Variants in GALNTL6 observed in about 807,000 individuals in gnomAD.
The protein encoded by GALNTL6 is polypeptide N-acetylgalactosaminyltransferase-like 6.
A neutral mutation model predicts 73.7 loss-of-function variants in GALNTL6; 46 were observed. That is an observed-to-expected ratio of 0.62 (90% CI 0.49 to 0.80). The LOEUF is 0.80. GALNTL6 is among the 30% of genes least tolerant of loss of function. The pLI, the probability that GALNTL6 is intolerant of heterozygous loss-of-function variation, is 0.00. For synonymous variants in GALNTL6, 259 were observed against 263.7 expected, an observed-to-expected ratio of 0.98 and a Z score of 0.17; for missense variants, 604 against 755.0, an observed-to-expected ratio of 0.80 and a Z score of 2.34.
chr4:172,109,516 A>C (rs1324810709), intron 2 of GALNTL6, among the ~76,000 whole-genome samples: 1 of 152,218 alleles, frequency 6.6e-6, no homozygotes, highest in Non-Finnish European at 1.5e-5. Context: ...ACATGACTAA[A>C]ATAATATAAA....
In GALNTL6 at chr4:172,946,124, C is replaced by CAT. The variant is rs1749153976; in HGVS notation, c.1150-5913_1150-5912insAT. Among the ~76,000 whole-genome samples the CAT allele has an allele frequency of 7.4e-5, 11 of 148,534 alleles. 1 individual carries two copies. The South Asian group carries it at 1.5e-3, about 20-fold the overall frequency. ...GTTATCACTAGTTTTGGGGAAAAAG[C>CAT]GTGTGTGTGTGTGTGTGTGTGTGTG... On this transcript the variant is annotated intron_variant, in intron 9 of 12. Transcript: ENST00000506823.
chr4:172,069,520 ATG>A lies in GALNTL6; in HGVS notation c.139-160134_139-160133del, dbSNP rs370662835. On this transcript the variant is annotated intron_variant, in intron 2 of 12. Coordinates refer to ENST00000506823, the MANE Select transcript of GALNTL6 (RefSeq NM_001034845.3). ...TATATGTATAACACATATATGTTAT[ATG>A]TATAACACATATATTATATATAACA... Among the ~76,000 whole-genome samples the A allele has an allele frequency of 1.1e-3, 22 of 19,460 alleles. 5 individuals are homozygous for A. Among genetic ancestry groups the A allele is most frequent in the East Asian group, 3.6e-3 (4 of 1,102 alleles). 12.8% of individuals were successfully genotyped at this position (19,460 alleles called of 152,430 possible). A position where few individuals can be genotyped will look rare whatever the true frequency, so the allele number is the denominator to read the frequency against.
At chr4:171,898,222 G>A (rs1736983226) in intron 2 of GALNTL6, among the ~76,000 whole-genome samples, 1 of 152,178 alleles carries the variant, frequency 6.6e-6, no homozygotes, top group East Asian at 1.9e-4. Context: ...AATACCAAGT[G>A]CTGGAGAAGG....
Position 173,016,347 on chromosome 4 carries a change from C to A in GALNTL6, c.1489-5129C>A, listed in dbSNP as rs149639057. Among the ~76,000 whole-genome samples, 504 of 152,328 alleles carry A rather than the reference C, an allele frequency of 3.3e-3. 3 individuals carry two copies. The highest frequency in any genetic ancestry group is 0.011 in the African/African-American group (454 of 41,580). On this transcript the variant is annotated intron_variant, in intron 11 of 12. Coordinates refer to ENST00000506823, the MANE Select transcript of GALNTL6 (RefSeq NM_001034845.3). ...AGACCCACTGACAGCTTGCACCATG[C>A]ACCTGAAAAAGCCACAGGCACTCAA...
At chr4:172,328,453 A>C (rs1741017910) in intron 4 of GALNTL6, among the ~76,000 whole-genome samples, 1 of 152,166 alleles carries the variant, frequency 6.6e-6, no homozygotes, top group Admixed American at 6.5e-5. Context: ...AGATTCTGGA[A>C]GTTTTCATGA....
At chr4:172,617,945 T>C (rs534134542) in intron 5 of GALNTL6, among the ~76,000 whole-genome samples, 1 of 152,298 alleles carries the variant, frequency 6.6e-6, no homozygotes, top group Admixed American at 6.5e-5. Context: ...CATGCACCTC[T>C]AGGATAAATT....
chr4:172,180,803 T>A (rs1358962859), intron 2 of GALNTL6, among the ~76,000 whole-genome samples: 1 of 152,150 alleles, frequency 6.6e-6, no homozygotes, highest in Non-Finnish European at 1.5e-5. Flanking sequence ...GTTCCATTGA[T>A]CTATATATCT....
intron 2 of GALNTL6, among the ~76,000 whole-genome samples, chr4:171,883,905 C>A (rs1024884948): frequency 2.0e-5 from 3 of 152,040 alleles, no homozygotes; most frequent in African/African-American, 7.2e-5. Context: ...CCTCGGCCTC[C>A]CAAAGTGCTG....
chr4:171,974,843 T>C (rs903132690), intron 2 of GALNTL6, among the ~76,000 whole-genome samples: 1 of 152,208 alleles, frequency 6.6e-6, no homozygotes, highest in South Asian at 2.1e-4. Context: ...TCATTTTTAG[T>C]AGCAACACAA....
At chr4:172,199,660 G>A (rs1735892729) in intron 2 of GALNTL6, among the ~76,000 whole-genome samples, 1 of 152,132 alleles carries the variant, frequency 6.6e-6, no homozygotes, top group Admixed American at 6.6e-5. Context: ...ACATAGAATT[G>A]TGGGGTTCCT....
At chr4:172,970,370 G>C (rs141339111) in intron 10 of GALNTL6, among the ~76,000 whole-genome samples, 167 of 152,262 alleles carry the variant, frequency 1.1e-3, no homozygotes, top group African/African-American at 3.5e-3. Flanking sequence ...CAGGAGACCG[G>C]GGTGTATTTC....
intron 2 of GALNTL6, among the ~76,000 whole-genome samples, chr4:171,927,735 T>TC (rs1477362490): frequency 6.6e-6 from 1 of 152,156 alleles, no homozygotes; most frequent in Non-Finnish European, 1.5e-5. Flanking sequence ...GTGATTCCCT[T>TC]TGCTTGGAAT....
In GALNTL6 at chr4:172,631,424, C is replaced by T. The variant is rs190754957; in HGVS notation, c.554-177937C>T. The stretch of plus-strand genomic sequence containing the variant: ...CCTCCCAAAGTGCTGGGATTACAGG[C>T]GTGAGCCACTGTACCTGGCCAGTAA... On this transcript the variant is annotated intron_variant, in intron 5 of 12. Coordinates refer to ENST00000506823, the MANE Select transcript of GALNTL6 (RefSeq NM_001034845.3). 1.2e-4 allele frequency among the ~76,000 whole-genome samples: 19 copies of T among 152,212 alleles called. No individual in the cohort carries two copies. The East Asian group carries it at 3.3e-3, about 26-fold the overall frequency.
intron 2 of GALNTL6, among the ~76,000 whole-genome samples, chr4:171,883,998 T>A (rs772145515): frequency 2.6e-5 from 4 of 152,242 alleles, no homozygotes; most frequent in Admixed American, 6.5e-5. Flanking sequence ...CACAAAAATG[T>A]GTAAACATTT....
At chr4:171,819,125 G>A (rs1734617562) in intron 2 of GALNTL6, among the ~76,000 whole-genome samples, 1 of 151,954 alleles carries the variant, frequency 6.6e-6, no homozygotes, top group South Asian at 2.1e-4. Context: ...ACTCAGGATG[G>A]CACATTATCA....
intron 2 of GALNTL6, among the ~76,000 whole-genome samples, chr4:172,212,554 A>T (rs899172173): frequency 2.0e-5 from 3 of 152,220 alleles, no homozygotes; most frequent in Admixed American, 6.5e-5. Context: ...GGTGTCCATG[A>T]TAACAGTATA....
intron 2 of GALNTL6, among the ~76,000 whole-genome samples, chr4:171,922,700 G>A (rs1737829402): frequency 1.3e-5 from 2 of 151,656 alleles, no homozygotes; most frequent in South Asian, 4.2e-4. Context: ...TCTTAGACTG[G>A]GACCATGGAA....
At chr4:172,323,942 C>A (rs1740847596) in intron 4 of GALNTL6, among the ~76,000 whole-genome samples, 1 of 152,010 alleles carries the variant, frequency 6.6e-6, no homozygotes, top group African/African-American at 2.4e-5. Flanking sequence ...ATAAAACTGA[C>A]TGTAAATGAG....
chr4:172,176,606 A>T (rs1735010309), intron 2 of GALNTL6, among the ~76,000 whole-genome samples: 1 of 151,960 alleles, frequency 6.6e-6, no homozygotes, highest in Admixed American at 6.6e-5. Flanking sequence ...CCTGGACAAC[A>T]TAGTGAGACT....
Sources: allele counts gnomAD v4.1 joint callset (sites outside exome capture counted in the v4.1 genomes callset), GRCh38; gene constraint gnomAD v4.1.1; transcripts MANE v1.5; gene names NCBI Gene and HGNC (gene_info 2026-07-23, HGNC 2026-07-21).